Variants in ANKFY1 observed in about 807,000 individuals in gnomAD.
ANKFY1 encodes ankyrin repeat and FYVE domain-containing protein 1.
Under a neutral mutation model 128.3 loss-of-function variants are expected in ANKFY1, and 47 were observed. The observed-to-expected ratio is 0.37, with a 90% CI of 0.29 to 0.47. The LOEUF is 0.47. ANKFY1 is among the 20% of genes least tolerant of loss of function. The pLI is 1.00. For synonymous variants in ANKFY1, 553 were observed against 601.6 expected (o/e 0.92, Z 1.18); for missense variants, 1,222 against 1,510.6 (o/e 0.81, Z 3.17).
chr17:4,192,635 A>T (rs2059739267), intron 10 of ANKFY1, among the ~76,000 whole-genome samples: 1 of 152,180 alleles, frequency 6.6e-6, no homozygotes, highest in Admixed American at 6.5e-5. Context: ...TAATCTGGAG[A>T]CTCCGAATTC....
At chr17:4,263,598 C>A in intron 1 of ANKFY1, 1 of 1,534,920 alleles carries the variant, frequency 6.5e-7, no homozygotes, top group Non-Finnish European at 8.7e-7. Flanking sequence ...GGCTTACTTC[C>A]CCCGGCGTCC....
Position 4,165,490 on chromosome 17 carries a change from T to C in ANKFY1, c.*2289A>G, listed in dbSNP as rs2069638403. The C allele has an allele frequency of 3.3e-5, 5 of 152,168 alleles. No homozygotes were observed. Among genetic ancestry groups the C allele is most frequent in the Admixed American group, 2.6e-4 (4 of 15,268 alleles). 9.4% of individuals were successfully genotyped at this position (152,168 alleles called of 1,614,324 possible). ...CTAGTCCCAGCCAGGGCAGGGCATG[T>C]TGGAGTCAGCTCCCACTCAAGCAGC... On this transcript the variant is annotated 3_prime_UTR_variant, in exon 25 of 25. Transcript: ENST00000341657.
intron 1 of ANKFY1, among the ~76,000 whole-genome samples, chr17:4,257,863 T>C (rs1225747808): frequency 6.6e-6 from 1 of 152,226 alleles, no homozygotes; most frequent in East Asian, 1.9e-4. Context: ...GTTCAATAAA[T>C]ACCACAGGTT....
intron 3 of ANKFY1, chr17:4,222,923 T>TC: frequency 8.0e-7 from 1 of 1,249,102 alleles, no homozygotes. Flanking sequence ...CCTCAGGTTA[T>TC]CCTACCTTGC....
chr17:4,209,463 G>A lies in ANKFY1; in HGVS notation c.582+361C>T, dbSNP rs186926109. 3.6e-3 allele frequency among the ~76,000 whole-genome samples: 549 copies of A among 152,326 alleles called. 1 individual carries two copies. The highest frequency in any genetic ancestry group is 0.013 in the African/African-American group (521 of 41,580). On this transcript the variant is annotated intron_variant, in intron 5 of 24. Transcript: ENST00000341657. ...CTACAGGCACGCACCACTGAGCCCA[G>A]CTAATTTTTGTATTTTTAGTAGAGA...
intron 5 of ANKFY1, among the ~76,000 whole-genome samples, chr17:4,208,379 G>C (rs1475076052): frequency 6.6e-6 from 1 of 152,164 alleles, no homozygotes; most frequent in Non-Finnish European, 1.5e-5. Context: ...GCATTACTGT[G>C]CCTCCCAGTG....
intron 1 of ANKFY1, among the ~76,000 whole-genome samples, chr17:4,250,995 G>C (rs1967796713): frequency 6.6e-6 from 1 of 152,104 alleles, no homozygotes; most frequent in Non-Finnish European, 1.5e-5. Context: ...TTCTGGGCAG[G>C]GGAAAGAAAA....
At chr17:4,246,862 A>T (rs975961129) in intron 1 of ANKFY1, among the ~76,000 whole-genome samples, 3 of 152,228 alleles carry the variant, frequency 2.0e-5, no homozygotes, top group Non-Finnish European at 4.4e-5. Flanking sequence ...CTGTAATCCC[A>T]GCACTTTGTG....
At chr17:4,168,126 G>T in intron 24 of ANKFY1, 7 of 381,034 alleles carry the variant, frequency 1.8e-5, no homozygotes, top group East Asian at 1.3e-4. Flanking sequence ...AAGCAATACT[G>T]AAGAAGGCTT....
Position 4,260,386 on chromosome 17 carries a change from G to A in ANKFY1, c.10+3546C>T, listed in dbSNP as rs1219079504. On this transcript the variant is annotated intron_variant, in intron 1 of 24. Transcript: ENST00000341657. ...AATCCCAGCACTTCAGGAGGCCCAG[G>A]CAGGTGAATGGCTTGAGCCCAGGAG... Among the ~76,000 whole-genome samples the A allele has an allele frequency of 2.0e-5, 3 of 152,102 alleles. No individual in the cohort carries two copies. The East Asian group carries it at 5.8e-4, about 29-fold the overall frequency.
At position 4,164,181 on chromosome 17, in the gene ANKFY1, A is replaced by T. The variant is rs1032397752; in HGVS notation, c.*3598T>A. 7.9e-5 allele frequency: 12 copies of T among 152,610 alleles called. No homozygotes were observed. Among genetic ancestry groups the T allele is most frequent in the African/African-American group, 2.9e-4 (12 of 41,470 alleles). The allele number at this position is 152,610 out of a possible 1,614,324, so 9.5% of individuals were successfully genotyped here. ...ACAGCCAACTCCACACATCTGCCAA[A>T]AAAGAGCAAGTCATCAAGGCGAGCA... is the stretch of plus-strand genomic sequence containing the variant. On this transcript the variant is annotated 3_prime_UTR_variant, in exon 25 of 25. Transcript: ENST00000341657.
intron 5 of ANKFY1, among the ~76,000 whole-genome samples, chr17:4,208,835 G>A (rs553402075): frequency 5.3e-5 from 8 of 152,222 alleles, no homozygotes; most frequent in African/African-American, 1.9e-4. Flanking sequence ...TGGGCGGATC[G>A]ATCACCTGAG....
At position 4,179,819 on chromosome 17, in the gene ANKFY1, C is replaced by T; in HGVS notation, c.2299G>A (p.Ala767Thr). 6.2e-7 allele frequency: 1 copy of T among 1,614,250 alleles called. No homozygotes were observed. The highest frequency in any genetic ancestry group is 8.5e-7 in the Non-Finnish European group (1 of 1,180,054). The stretch of plus-strand genomic sequence containing the variant: ...TGCAAAGGGGTCTGCCCATCTCTAG[C>T]CTCTTCCTCTCCTTCTCCATTGGCG... The part of the protein sequence containing the change: ...PGANGEGEEE[A>T]RDGQTPLHLA... Residue 767 changes from alanine (A) to threonine (T), a missense_variant, in exon 17 of 25, where the codon GCT becomes ACT. By Grantham distance (58) the Ala-to-Thr change is moderately conservative (BLOSUM62 0). Coordinates refer to ENST00000341657, the MANE Select transcript of ANKFY1 (RefSeq NM_001330063.2).
chr17:4,236,202 T>A (rs1332902344), intron 2 of ANKFY1, among the ~76,000 whole-genome samples: 1 of 152,184 alleles, frequency 6.6e-6, no homozygotes, highest in East Asian at 1.9e-4. Flanking sequence ...AATATTCACA[T>A]AAAAAGTAGA....
At chr17:4,256,955 T>G (rs1027579058) in intron 1 of ANKFY1, among the ~76,000 whole-genome samples, 3 of 152,194 alleles carry the variant, frequency 2.0e-5, no homozygotes, top group African/African-American at 7.2e-5. Flanking sequence ...ATTAGCTAAC[T>G]AGCCATTTCC....
chr17:4,179,654 G>A, intron 17 of ANKFY1, 67 bp downstream of exon 17: 2 of 1,580,270 alleles, frequency 1.3e-6, no homozygotes, highest in Admixed American at 3.5e-5. Context: ...AAGGTCCTCT[G>A]CCATAGGAGG....
intron 3 of ANKFY1, among the ~76,000 whole-genome samples, chr17:4,225,295 T>G (rs1313558353): frequency 6.6e-6 from 1 of 152,130 alleles, no homozygotes; most frequent in Non-Finnish European, 1.5e-5. Flanking sequence ...AGGCAGAGGT[T>G]GCAGTGACCC....
chr17:4,230,224 G>C (rs1205803152), intron 3 of ANKFY1, among the ~76,000 whole-genome samples: 1 of 152,204 alleles, frequency 6.6e-6, no homozygotes, highest in East Asian at 1.9e-4. Context: ...TGCTTCAGGG[G>C]ATAGCTTTCC....
chr17:4,185,291 T>C (rs546385934), intron 11 of ANKFY1, among the ~76,000 whole-genome samples: 1 of 152,114 alleles, frequency 6.6e-6, no homozygotes, highest in East Asian at 1.9e-4. Context: ...CTGCAACCTT[T>C]GCCTCCCGGG....
Sources: gnomAD v4.1 joint callset for allele counts (sites outside exome capture counted in the v4.1 genomes callset) on GRCh38, gnomAD v4.1.1 for gene constraint, MANE v1.5 for transcripts, NCBI Gene and HGNC (gene_info 2026-07-23, HGNC 2026-07-21) for gene names.